RYR3: variants seen among roughly 807,000 people sequenced by gnomAD.
RYR3 encodes brain ryanodine receptor-calcium release channel.
A neutral mutation model predicts 584.3 loss-of-function variants in RYR3; 207 were observed. The ratio of observed to expected loss-of-function variants is 0.35; its 90% CI spans 0.32 to 0.40. The LOEUF (loss-of-function observed/expected upper bound fraction) is 0.40. RYR3 is among the 10% of genes least tolerant of loss of function. The pLI is 1.00. For synonymous variants in RYR3, 2,416 were observed against 2,248.5 expected (o/e 1.07, Z -2.11); for missense variants, 5,616 against 6,089.2 (o/e 0.92, Z 2.59).
At position 33,838,756 on chromosome 15, in the gene RYR3, G is replaced by C. The variant is rs1336881720; in HGVS notation, c.12776G>C (p.Gly4259Ala). 1 of 1,613,908 alleles carries C rather than the reference G, an allele frequency of 6.2e-7. No homozygotes were observed. Among genetic ancestry groups the C allele is most frequent in the Admixed American group, 1.7e-5 (1 of 60,016 alleles). The change falls in exon 89 of 104, where the codon GGT becomes GCT. Residue 4259 changes from glycine (G) to alanine (A), a missense_variant. Gly to Ala is a moderately conservative substitution (Grantham distance 60). This residue lies in a region of RYR3 where 918 missense variants were observed against 887.4 expected (regional missense o/e 1.03). Coordinates refer to ENST00000634891, the MANE Select transcript of RYR3 (RefSeq NM_001036.6). ...GAGAGGGCAGAGGTGATGGAGCCAG[G>C]TATCACCACTGAACTAGTACACTTC... ...EAERAEVMEP[G>A]ITTELVHFIK...
chr15:33,854,345 C>T, intron 96 of RYR3, 44 bp from the exon 97 acceptor site: 1 of 1,505,404 alleles, frequency 6.6e-7, no homozygotes, highest in Non-Finnish European at 9.0e-7. Flanking sequence ...CACTTAACTA[C>T]CTCTTGACAT....
chr15:33,864,120 A>G lies in RYR3; in HGVS notation c.14466-18A>G, dbSNP rs1567369538. On this transcript the variant is annotated intron_variant, in intron 102 of 103. Transcript: ENST00000634891. Reference sequence around the variant, plus strand: ...GGTCTTGACCAGAGTATCTAATACTATCTTTTCCTCGTTCCAGGTTCTTTC... The same window carrying G: ...GGTCTTGACCAGAGTATCTAATACTGTCTTTTCCTCGTTCCAGGTTCTTTC... 6.3e-7 allele frequency: 1 copy of G among 1,597,482 alleles called. No homozygotes were observed. Among genetic ancestry groups the G allele is most frequent in the Admixed American group, 1.7e-5 (1 of 59,238 alleles).
At chr15:33,387,341 GATACCC>G (rs2041675345) in intron 1 of RYR3, among the ~76,000 whole-genome samples, 2 of 152,132 alleles carry the variant, frequency 1.3e-5, no homozygotes, top group African/African-American at 4.8e-5. Flanking sequence ...CTTTTGGGTA[GATACCC>G]AGAAGTGGAC....
intron 50 of RYR3, 141 bp downstream of exon 50, chr15:33,738,731 C>T: frequency 1.1e-6 from 1 of 877,862 alleles, no homozygotes; most frequent in African/African-American, 1.7e-5. Flanking sequence ...CCAATCCTTG[C>T]CCATCTCTCT....
chr15:33,658,717 AC>A, intron 32 of RYR3, among the ~76,000 whole-genome samples: 1 of 152,368 alleles, frequency 6.6e-6, no homozygotes, highest in South Asian at 2.1e-4. Context: ...TCTTGAAAAC[AC>A]TTTAGTAATA....
intron 1 of RYR3, among the ~76,000 whole-genome samples, chr15:33,413,831 A>G (rs1004334651): frequency 6.6e-6 from 1 of 152,164 alleles, no homozygotes; most frequent in Non-Finnish European, 1.5e-5. Flanking sequence ...TTATCCTATT[A>G]ACTTTTTTAC....
At chr15:33,683,850 CG>C (rs2064807397) in intron 38 of RYR3, among the ~76,000 whole-genome samples, 1 of 152,266 alleles carries the variant, frequency 6.6e-6, no homozygotes, top group African/African-American at 2.4e-5. Flanking sequence ...CCTGCCTCAG[CG>C]GGTCCCAGGC....
rs753091392 is a variant in RYR3, at chr15:33,706,976, G to T, written c.6541G>T (p.Gly2181Ter). ...LQSCPMLLAK[G>*]YPDVGWNPIE... is the part of the protein sequence containing the mutation. ...GAGCTGCCCCATGCTTCTGGCCAAA[G>T]GATACCCTGATGTCGGCTGGAACCC... is the stretch of plus-strand genomic sequence containing the variant. Residue 2181 changes from glycine to a stop codon, truncating the protein, a stop_gained, in exon 43 of 104, where the codon GGA becomes TGA. Transcript: ENST00000634891. LOFTEE classifies it high-confidence loss of function. 1 of 1,613,450 alleles carries T rather than the reference G, an allele frequency of 6.2e-7. No individual in the cohort carries two copies. The highest frequency in any genetic ancestry group is 8.5e-7 in the Non-Finnish European group (1 of 1,179,766).
At chr15:33,864,220 A>G (rs764777228) in intron 103 of RYR3, 31 bp downstream of exon 103, 3 of 1,555,308 alleles carry the variant, frequency 1.9e-6, no homozygotes, top group South Asian at 2.3e-5. Context: ...TACCCGTGTT[A>G]GATCTCCCTT....
chr15:33,315,853 T>C (rs1968090547), intron 1 of RYR3, among the ~76,000 whole-genome samples: 1 of 152,168 alleles, frequency 6.6e-6, no homozygotes, highest in African/African-American at 2.4e-5. Context: ...GCTGATCTCC[T>C]GGGAAGGAGG....
rs182961597 is a variant in RYR3, at chr15:33,708,440, G to A, written c.6619+1386G>A. Among the ~76,000 whole-genome samples, 14 of 152,154 alleles carry A rather than the reference G, an allele frequency of 9.2e-5. No homozygotes were observed. The East Asian group carries it at 2.3e-3, about 25-fold the overall frequency. On this transcript the variant is annotated intron_variant, in intron 43 of 103. Coordinates refer to ENST00000634891, the MANE Select transcript of RYR3 (RefSeq NM_001036.6). ...GAATCGACTGGCTCTTCTTCTACCC[G>A]GATTGCTAAATTCTAACACTTGCTT...
At chr15:33,753,276 AG>A (rs2071500666) in intron 57 of RYR3, among the ~76,000 whole-genome samples, 1 of 152,236 alleles carries the variant, frequency 6.6e-6, no homozygotes, top group African/African-American at 2.4e-5. Context: ...AATAATAGCA[AG>A]CATAACTGAC....
chr15:33,826,568 C>G (rs2152965421), intron 83 of RYR3, 104 bp from the exon 84 acceptor site: 1 of 1,083,790 alleles, frequency 9.2e-7, no homozygotes, highest in East Asian at 2.4e-5. Context: ...CTTTTCCAAA[C>G]CATTCTGACA....
At chr15:33,568,312 G>A (rs2057827412) in intron 12 of RYR3, among the ~76,000 whole-genome samples, 1 of 152,190 alleles carries the variant, frequency 6.6e-6, no homozygotes. Flanking sequence ...GTTACTGTAT[G>A]ATATGTGAAC....
In RYR3 at chr15:33,785,958, G is replaced by T. The variant is rs761578408; in HGVS notation, c.9565G>T (p.Ala3189Ser). The change falls in exon 66 of 104, where the codon GCC becomes TCC. Residue 3189 changes from alanine (A) to serine (S), a missense_variant. By Grantham distance (99) the Ala-to-Ser change is moderately conservative. This residue lies in a region of RYR3 where 954 missense variants were observed against 1,132.2 expected (regional missense o/e 0.84). Coordinates refer to ENST00000634891, the MANE Select transcript of RYR3 (RefSeq NM_001036.6). ...CAACAACAACCTGGGCATCGATGAG[G>T]CCTCCTGGATGAAGCGCATTGCAGG... ...IINNNLGIDE[A>S]SWMKRIAVYA... 4 of 1,598,132 alleles carry T rather than the reference G, an allele frequency of 2.5e-6. No homozygotes were observed. The highest frequency in any genetic ancestry group is 3.4e-6 in the Non-Finnish European group (4 of 1,170,532).
intron 3 of RYR3, among the ~76,000 whole-genome samples, chr15:33,521,631 T>G (rs190021484): frequency 6.6e-6 from 1 of 152,196 alleles, no homozygotes; most frequent in Admixed American, 6.5e-5. Context: ...TTTCAAGTAT[T>G]CTTCTCTTTT....
In RYR3 at chr15:33,755,105, A is replaced by G; in HGVS notation, c.8440A>G (p.Lys2814Glu). 6.2e-7 allele frequency: 1 copy of G among 1,613,212 alleles called. No homozygotes were observed. The highest frequency in any genetic ancestry group is 1.1e-5 in the South Asian group (1 of 90,876). ...GGAGCTGGATGCCTCCTCCATGGAG[A>G]AGAGGTTTGCCTATAAGTTCTTGAA... ...DMELDASSME[K>E]RFAYKFLKKI... Residue 2814 changes from lysine to glutamate, a missense_variant, in exon 58 of 104, where the codon AAG becomes GAG. Transcript: ENST00000634891.
intron 2 of RYR3, among the ~76,000 whole-genome samples, 163 bp downstream of exon 2, chr15:33,473,701 C>A (rs890099846): frequency 1.3e-5 from 2 of 152,164 alleles, no homozygotes; most frequent in Non-Finnish European, 2.9e-5. Flanking sequence ...TTTCCACAAG[C>A]CTAGGAATCG....
chr15:33,768,788 C>G, intron 61 of RYR3, 81 bp downstream of exon 61: 1 of 1,379,404 alleles, frequency 7.2e-7, no homozygotes. Flanking sequence ...GTGTCTTCCT[C>G]AGACAACCCG....
Sources: gnomAD v4.1 joint callset for allele counts (sites outside exome capture counted in the v4.1 genomes callset) on GRCh38, gnomAD v4.1.1 for gene constraint, gnomAD v4.1.1 regional missense constraint, MANE v1.5 for transcripts, NCBI Gene and HGNC (gene_info 2026-07-23, HGNC 2026-07-21) for gene names.